ASAP1: variants seen among roughly 807,000 people sequenced by gnomAD.
ASAP1 encodes ArfGAP with SH3 domain, ankyrin repeat and PH domain 1, also known as arf-GAP with SH3 domain, ANK repeat and PH domain-containing protein 1.
Under a neutral mutation model 145.2 loss-of-function variants are expected in ASAP1, and 43 were observed. The observed-to-expected ratio is 0.30, with a 90% confidence interval of 0.23 to 0.38. The LOEUF is 0.38. Among genes scored for constraint, ASAP1 ranks in the 10% least tolerant of loss-of-function variants. The pLI is 1.00. For missense variants in ASAP1, 1,018 were observed against 1,355.3 expected (o/e 0.75, Z 3.91); for synonymous variants, 546 against 515.5 (o/e 1.06, Z -0.80).
At chr8:130,070,900 GGAGGGAGA>G (rs2097443210) in intron 27 of ASAP1, among the ~76,000 whole-genome samples, 2 of 11,264 alleles carry the variant, frequency 1.8e-4, no homozygotes, top group Admixed American at 1.5e-3. Context: ...AGGGAGAGAG[GGAGGGAGA>G]GAGAGGGGGA....
intron 18 of ASAP1, among the ~76,000 whole-genome samples, chr8:130,122,299 T>C (rs2097567565): frequency 6.6e-6 from 1 of 152,202 alleles, no homozygotes; most frequent in East Asian, 1.9e-4. Context: ...CTACTGTATC[T>C]TCAGCACCTA....
rs115170877 is a variant in ASAP1 at position 130,379,214 on chromosome 8, G to A, written c.60-21071C>T. On this transcript the variant is annotated intron_variant, in intron 2 of 29. Coordinates refer to ENST00000518721, the MANE Select transcript of ASAP1 (RefSeq NM_018482.4). The stretch of plus-strand genomic sequence containing the variant: ...ATGTTCCGGGAAGGTGGCACGTCCC[G>A]AGAGGGCATGGAGACTGTACCACCG... Among the ~76,000 whole-genome samples the A allele has an allele frequency of 1.1e-3, 160 of 152,216 alleles. 1 individual carries two copies. The highest frequency in any genetic ancestry group is 3.5e-3 in the African/African-American group (147 of 41,546).
At chr8:130,213,894 CGACT>C (rs1816734638) in intron 5 of ASAP1, among the ~76,000 whole-genome samples, 1 of 152,164 alleles carries the variant, frequency 6.6e-6, no homozygotes. Context: ...TGCCCACACA[CGACT>C]GCCTGGCAAA....
intron 9 of ASAP1, among the ~76,000 whole-genome samples, chr8:130,171,778 T>C (rs931601879): frequency 2.6e-5 from 4 of 152,102 alleles, no homozygotes; most frequent in African/African-American, 4.8e-5. Context: ...CCTGGAGAGG[T>C]TGGCAATGTT....
chr8:130,227,936 G>A (rs1302791518), intron 4 of ASAP1, among the ~76,000 whole-genome samples: 1 of 152,134 alleles, frequency 6.6e-6, no homozygotes, highest in Non-Finnish European at 1.5e-5. Context: ...CAGTTGGCGA[G>A]TCTGAGGGAA....
intron 29 of ASAP1, among the ~76,000 whole-genome samples, chr8:130,055,912 T>G (rs986680078): frequency 3.3e-5 from 5 of 152,224 alleles, no homozygotes; most frequent in Admixed American, 3.3e-4. Context: ...GTGAGGTCTT[T>G]GTGAATTTCA....
intron 3 of ASAP1, among the ~76,000 whole-genome samples, chr8:130,274,921 A>C (rs1820792362): frequency 6.6e-6 from 1 of 152,246 alleles, no homozygotes; most frequent in East Asian, 1.9e-4. Flanking sequence ...GCTTTTCCTC[A>C]TAGTCCACTA....
At chr8:130,104,222 T>C (rs941599530) in intron 24 of ASAP1, among the ~76,000 whole-genome samples, 5 of 152,232 alleles carry the variant, frequency 3.3e-5, no homozygotes, top group Non-Finnish European at 7.3e-5. Flanking sequence ...TAACTTCTCT[T>C]AGAAGTAAAA....
chr8:130,411,618 G>A lies in ASAP1; in HGVS notation c.-27-9648C>T, dbSNP rs1016404182. ...GGGGAAACCACCCTAAGACAGGGAT[G>A]ATGATACTTTTAACAGAGTGTTGTT... On this transcript the variant is annotated intron_variant, in intron 1 of 29. Coordinates refer to ENST00000518721, the MANE Select transcript of ASAP1 (RefSeq NM_018482.4). Among the ~76,000 whole-genome samples the A allele has an allele frequency of 3.3e-5, 5 of 152,196 alleles. No individual in the cohort carries two copies. In the South Asian group the frequency reaches 8.3e-4, roughly 25 times the overall value.
chr8:130,439,589 A>G (rs1830425230), intron 1 of ASAP1, among the ~76,000 whole-genome samples: 1 of 151,682 alleles, frequency 6.6e-6, no homozygotes, highest in Non-Finnish European at 1.5e-5. Context: ...TAAAAAAAAA[A>G]GGGTAACTTC....
At chr8:130,104,209 T>C (rs903965058) in intron 24 of ASAP1, among the ~76,000 whole-genome samples, 13 of 152,216 alleles carry the variant, frequency 8.5e-5, no homozygotes, top group African/African-American at 1.7e-4. Context: ...TAGGAATAAA[T>C]AGTAACTTCT....
intron 1 of ASAP1, among the ~76,000 whole-genome samples, chr8:130,417,308 T>TGCC (rs1258443126): frequency 6.6e-6 from 1 of 152,252 alleles, no homozygotes; most frequent in Admixed American, 6.5e-5. Flanking sequence ...ATGGACTATG[T>TGCC]GCCGCAGCAG....
At chr8:130,134,219 A>G in intron 15 of ASAP1, 77 bp downstream of exon 15, 2 of 1,169,194 alleles carry the variant, frequency 1.7e-6, no homozygotes, top group Non-Finnish European at 2.4e-6. Flanking sequence ...AATGAAAAGA[A>G]AATGTTGATG....
intron 3 of ASAP1, among the ~76,000 whole-genome samples, chr8:130,288,239 T>C (rs915851345): frequency 6.6e-6 from 1 of 152,138 alleles, no homozygotes; most frequent in Non-Finnish European, 1.5e-5. Flanking sequence ...AGGCTTTTAA[T>C]CTATTTCTAA....
chr8:130,380,695 C>A lies in ASAP1; in HGVS notation c.59+21190G>T, dbSNP rs1827726386. On this transcript the variant is annotated intron_variant, in intron 2 of 29. Coordinates refer to ENST00000518721, the MANE Select transcript of ASAP1 (RefSeq NM_018482.4). Reference sequence around the variant, plus strand: ...CATGGAGTTTCAAATTGTCAGCAGCCACAGGAAAAAAGTTAAAAGGAACAC... The same window carrying A: ...CATGGAGTTTCAAATTGTCAGCAGCAACAGGAAAAAAGTTAAAAGGAACAC... Among the ~76,000 whole-genome samples, 8 of 152,228 alleles carry A rather than the reference C, an allele frequency of 5.3e-5. 1 individual carries two copies. Among genetic ancestry groups the A allele is most frequent in the Middle Eastern group, 3.4e-3 (1 of 294 alleles).
At chr8:130,259,039 G>A (rs909435041) in intron 3 of ASAP1, among the ~76,000 whole-genome samples, 4 of 152,134 alleles carry the variant, frequency 2.6e-5, no homozygotes, top group Middle Eastern at 3.4e-3. Context: ...TTTGATGGCT[G>A]GGGGTAAGAA....
intron 25 of ASAP1, among the ~76,000 whole-genome samples, chr8:130,087,153 A>T (rs1592768443): frequency 6.6e-6 from 1 of 152,316 alleles, no homozygotes; most frequent in Non-Finnish European, 1.5e-5. Flanking sequence ...TCTGCAAAGG[A>T]GCTGAATGTC....
rs76953076 is a variant in ASAP1, at chr8:130,288,638, T to C, written c.187-51644A>G. ...ACCCAGAGACAAATGTGAAGGAGAC[T>C]CTGTCCTCCAAGAATTTAAAATGTA... On this transcript the variant is annotated intron_variant, in intron 3 of 29. Coordinates refer to ENST00000518721, the MANE Select transcript of ASAP1 (RefSeq NM_018482.4). Among the ~76,000 whole-genome samples the C allele has an allele frequency of 9.0e-3, 1,367 of 152,280 alleles. 24 individuals are homozygous for C. The highest frequency in any genetic ancestry group is 0.031 in the African/African-American group (1,307 of 41,564).
chr8:130,396,038 T>C (rs563856281), intron 2 of ASAP1, among the ~76,000 whole-genome samples: 38 of 152,272 alleles, frequency 2.5e-4, no homozygotes, highest in African/African-American at 8.7e-4. Flanking sequence ...AATGGAACAT[T>C]TTCTAGTCTT....
Sources: gnomAD v4.1 joint callset for allele counts (sites outside exome capture counted in the v4.1 genomes callset) on GRCh38, gnomAD v4.1.1 for gene constraint, MANE v1.5 for transcripts, NCBI Gene and HGNC (gene_info 2026-07-23, HGNC 2026-07-21) for gene names.